Variants in WWOX observed in about 807,000 individuals in gnomAD.
WWOX encodes WW domain-containing oxidoreductase.
In WWOX, 69 loss-of-function variants were observed where a neutral mutation model predicts 46.2. The ratio of observed to expected loss-of-function variants is 1.49; its 90% CI spans 1.23 to 1.82. The LOEUF is 1.82. Ranked by LOEUF, WWOX falls within the 40% of genes most tolerant of loss-of-function variation. The pLI is 0.00. For synonymous variants in WWOX, 359 were observed against 202.6 expected (o/e 1.77, Z -6.56); for missense variants, 919 against 542.6 (o/e 1.69, Z -6.89).
chr16:78,388,988 T>G (rs2082120153), intron 6 of WWOX, among the ~76,000 whole-genome samples: 2 of 149,394 alleles, frequency 1.3e-5, no homozygotes. Flanking sequence ...AAAAAAAAAT[T>G]GACTCAGGCT....
intron 8 of WWOX, among the ~76,000 whole-genome samples, chr16:78,690,543 C>G (rs1014277240): frequency 9.9e-5 from 15 of 151,920 alleles, no homozygotes; most frequent in Admixed American, 8.5e-4. Flanking sequence ...CAGAATGAGA[C>G]CCTGTCTGAA....
At chr16:79,046,835 C>G (rs1043158617) in intron 8 of WWOX, among the ~76,000 whole-genome samples, 2 of 152,156 alleles carry the variant, frequency 1.3e-5, no homozygotes, top group Admixed American at 6.5e-5. Context: ...CTCTTTGTGT[C>G]CAACTCTTCT....
At chr16:78,813,527 T>A (rs1436028174) in intron 8 of WWOX, among the ~76,000 whole-genome samples, 1 of 152,166 alleles carries the variant, frequency 6.6e-6, no homozygotes, top group East Asian at 1.9e-4. Flanking sequence ...CCTATCTGAT[T>A]CTGTGGTGGT....
At chr16:78,667,886 G>A (rs2047369879) in intron 8 of WWOX, among the ~76,000 whole-genome samples, 1 of 152,072 alleles carries the variant, frequency 6.6e-6, no homozygotes, top group Non-Finnish European at 1.5e-5. Context: ...ACCTCTGTGT[G>A]TGTTCCTTAT....
chr16:78,744,567 G>C (rs531348976), intron 8 of WWOX, among the ~76,000 whole-genome samples: 13 of 151,796 alleles, frequency 8.6e-5, no homozygotes, highest in Middle Eastern at 3.4e-3. Context: ...GAGTAGCTGG[G>C]ATTACAGGCA....
chr16:79,067,808 G>C (rs1219965881), intron 8 of WWOX, among the ~76,000 whole-genome samples: 1 of 152,212 alleles, frequency 6.6e-6, no homozygotes, highest in Admixed American at 6.5e-5. Flanking sequence ...AATGGAATGA[G>C]TGTGCTGCTG....
At chr16:78,735,491 C>T (rs1447639529) in intron 8 of WWOX, among the ~76,000 whole-genome samples, 1 of 151,958 alleles carries the variant, frequency 6.6e-6, no homozygotes, top group African/African-American at 2.4e-5. Context: ...TTTTGACGTG[C>T]TTGAACTCGA....
At chr16:78,364,173 T>G (rs1307679516) in intron 5 of WWOX, among the ~76,000 whole-genome samples, 1 of 152,204 alleles carries the variant, frequency 6.6e-6, no homozygotes, top group Non-Finnish European at 1.5e-5. Context: ...CAGCAAAGAC[T>G]ATAATTTTAT....
chr16:79,072,298 A>G (rs2048566501), intron 8 of WWOX, among the ~76,000 whole-genome samples: 1 of 152,070 alleles, frequency 6.6e-6, no homozygotes, highest in Non-Finnish European at 1.5e-5. Context: ...ACCCCCCAAA[A>G]ACAGAAAACA....
chr16:79,187,205 T>C (rs1258868677), intron 8 of WWOX, among the ~76,000 whole-genome samples: 4 of 152,178 alleles, frequency 2.6e-5, no homozygotes, highest in African/African-American at 9.7e-5. Flanking sequence ...TACTTCATTT[T>C]CCTCCCCTGT....
chr16:78,810,255 G>C (rs991317551), intron 8 of WWOX, among the ~76,000 whole-genome samples: 2 of 152,166 alleles, frequency 1.3e-5, no homozygotes, highest in African/African-American at 4.8e-5. Context: ...CTTATTCTCA[G>C]CTGATCTGCA....
chr16:78,608,446 G>A (rs1392421235), intron 8 of WWOX, among the ~76,000 whole-genome samples: 1 of 152,214 alleles, frequency 6.6e-6, no homozygotes, highest in African/African-American at 2.4e-5. Flanking sequence ...CAGGCAGAGT[G>A]GAAGTTGCCT....
chr16:79,122,721 T>C (rs1479123114), intron 8 of WWOX, among the ~76,000 whole-genome samples: 1 of 152,164 alleles, frequency 6.6e-6, no homozygotes, highest in Admixed American at 6.5e-5. Flanking sequence ...GAGGTAAAAT[T>C]TGTACAGCTA....
chr16:78,834,669 C>T (rs538793458), intron 8 of WWOX, among the ~76,000 whole-genome samples: 1 of 152,234 alleles, frequency 6.6e-6, no homozygotes, highest in South Asian at 2.1e-4. Context: ...ATTCCACTGA[C>T]TTCTTAACAG....
intron 5 of WWOX, among the ~76,000 whole-genome samples, chr16:78,322,674 A>G (rs909219945): frequency 2.0e-5 from 3 of 152,190 alleles, no homozygotes; most frequent in African/African-American, 7.2e-5. Flanking sequence ...CTTTGTTTTT[A>G]TGATTATCAA....
At chr16:78,433,810 G>C (rs575473994) in intron 8 of WWOX, among the ~76,000 whole-genome samples, 1 of 80,480 alleles carries the variant, frequency 1.2e-5, no homozygotes, top group South Asian at 4.3e-4. Context: ...TTTTTTTTGA[G>C]ACGGAGTCTC....
intron 8 of WWOX, among the ~76,000 whole-genome samples, chr16:79,209,357 G>C (rs961321457): frequency 6.6e-6 from 1 of 152,186 alleles, no homozygotes; most frequent in African/African-American, 2.4e-5. Flanking sequence ...CATTACAGTA[G>C]GTCATAGTGG....
intron 8 of WWOX, among the ~76,000 whole-genome samples, chr16:78,473,409 C>T (rs115501407): frequency 0.036 from 5,534 of 152,234 alleles, 213 homozygotes; most frequent in African/African-American, 0.093. Context: ...GGATTACAGA[C>T]ATGAGCCGAC....
At chr16:78,811,848 T>G (rs551748942) in intron 8 of WWOX, among the ~76,000 whole-genome samples, 1 of 152,206 alleles carries the variant, frequency 6.6e-6, no homozygotes, top group Non-Finnish European at 1.5e-5. Context: ...CCCTAACACT[T>G]GGTCAAGTTA....
Sources: allele counts gnomAD v4.1 joint callset (sites outside exome capture counted in the v4.1 genomes callset), GRCh38; gene constraint gnomAD v4.1.1; transcripts MANE v1.5; gene names NCBI Gene and HGNC (gene_info 2026-07-23, HGNC 2026-07-21).